SKOR2: variants seen among roughly 807,000 people sequenced by gnomAD.
SKOR2 encodes SKI family transcriptional corepressor 2.
SKOR2 carries 47 observed loss-of-function variants against 69.1 expected under a neutral mutation model. The observed-to-expected ratio is 0.68, with a 90% CI of 0.54 to 0.87. The LOEUF (loss-of-function observed/expected upper bound fraction) is 0.87, where lower values mean the gene tolerates loss of function less well. Among genes scored for constraint, SKOR2 ranks in the 40% least tolerant of loss-of-function variants. The pLI is 0.00. For synonymous variants in SKOR2, 717 were observed against 672.6 expected (o/e 1.07, Z -1.02); for missense variants, 1,404 against 1,472.2 (o/e 0.95, Z 0.76).
chr18:47,230,532 T>C lies in SKOR2; in HGVS notation c.2844A>G (p.Glu948=). Residue 948 remains glutamate (E), a synonymous_variant, in exon 6 of 9, where the codon GAA becomes GAG. Transcript: ENST00000425639. ...GKEELQKVLF[E]QIDLRRRLEQ... ...CCAGTCGTCTCCGTAAATCTATTTGTTCAAATAAAACCTTCTGAAGTTCTT... is the reference window on the plus strand; with the variant it reads ...CCAGTCGTCTCCGTAAATCTATTTGCTCAAATAAAACCTTCTGAAGTTCTT... The C allele has an allele frequency of 2.1e-6, 3 of 1,438,768 alleles. No homozygotes were observed. Among genetic ancestry groups the C allele is most frequent in the East Asian group, 2.6e-5 (1 of 38,126 alleles). 89.1% of individuals were successfully genotyped at this position (1,438,768 alleles called of 1,614,324 possible). A position where few individuals can be genotyped will look rare whatever the true frequency, so the allele number is the denominator to read the frequency against.
chr18:47,221,694 C>T (rs1277546019), intron 6 of SKOR2, among the ~76,000 whole-genome samples: 2 of 152,180 alleles, frequency 1.3e-5, no homozygotes, highest in Non-Finnish European at 2.9e-5. Flanking sequence ...TGTACTTCTC[C>T]AGCACCCTGT....
At chr18:47,234,808 C>T (rs2064214613) in intron 4 of SKOR2, among the ~76,000 whole-genome samples, 1 of 145,664 alleles carries the variant, frequency 6.9e-6, no homozygotes, top group African/African-American at 2.5e-5. Flanking sequence ...TTGCAGTAAA[C>T]CGAGATCACG....
At chr18:47,224,131 C>G (rs998839363) in intron 6 of SKOR2, among the ~76,000 whole-genome samples, 3 of 152,088 alleles carry the variant, frequency 2.0e-5, no homozygotes, top group African/African-American at 7.2e-5. Context: ...TGCTCTCAAA[C>G]TCCTGACCTC....
intron 7 of SKOR2, among the ~76,000 whole-genome samples, chr18:47,212,941 G>A (rs367881555): frequency 1.3e-4 from 20 of 152,300 alleles, no homozygotes; most frequent in Admixed American, 2.0e-4. Flanking sequence ...TCCAGCCTGG[G>A]TGACAGAGCA....
Position 47,247,634 on chromosome 18 carries a change from C to A in SKOR2, c.1550G>T (p.Gly517Val), listed in dbSNP as rs1366735317. ...RQAFLDLAEP[G>V]GAAGSAEAAP... is the part of the protein sequence containing the mutation. ...GGCCTCGGCGCTCCCAGCAGCACCG[C>A]CTGGCTCAGCCAGGTCCAGGAAGGC... The change falls in exon 2 of 9, where the codon GGC becomes GTC. Residue 517 changes from glycine (G) to valine (V), a missense_variant. Gly to Val is a moderately radical substitution (Grantham distance 109, BLOSUM62 -3). This residue lies in a region of SKOR2 where 1,266 missense variants were observed against 1,309.9 expected (regional missense o/e 0.97). Coordinates refer to ENST00000425639, the MANE Select transcript of SKOR2 (RefSeq NM_001278063.4). This position sits in a 1 kb window ranked among gnomAD's most constrained non-coding sequence, Gnocchi z 6.6. The A allele has an allele frequency of 7.4e-7, 1 of 1,344,676 alleles. No individual in the cohort carries two copies. The highest frequency in any genetic ancestry group is 9.5e-7 in the Non-Finnish European group (1 of 1,050,780). 83.3% of individuals were successfully genotyped at this position (1,344,676 alleles called of 1,614,324 possible). A position where few individuals can be genotyped will look rare whatever the true frequency, so the allele number is the denominator to read the frequency against.
Position 47,247,387 on chromosome 18 carries a change from A to G in SKOR2, c.1797T>C (p.Val599=). The change falls in exon 2 of 9, where the codon GTT becomes GTC. Residue 599 remains valine, a synonymous_variant. Transcript: ENST00000425639. This position sits in a 1 kb window ranked among gnomAD's most constrained non-coding sequence, Gnocchi z 6.6. ...AAGSGPAGSR[V]PAPHHPHLLE... Reference sequence around the variant, plus strand: ...GAAGGTGCGGATGGTGGGGCGCCGGAACCCGGGAGCCCGCGGGGCCAGACC... The same window carrying G: ...GAAGGTGCGGATGGTGGGGCGCCGGGACCCGGGAGCCCGCGGGGCCAGACC... 2 of 1,394,994 alleles carry G rather than the reference A, an allele frequency of 1.4e-6. No individual in the cohort carries two copies. Among genetic ancestry groups the G allele is most frequent in the Non-Finnish European group, 1.9e-6 (2 of 1,076,014 alleles). The allele number at this position is 1,394,994 out of a possible 1,614,324, so 86.4% of individuals were successfully genotyped here. A position where few individuals can be genotyped will look rare whatever the true frequency, so the allele number is the denominator to read the frequency against.
At position 47,247,072 on chromosome 18, in the gene SKOR2, C is replaced by CGGCGGG. The variant is rs2064279515; in HGVS notation, c.2106_2111dup (p.Pro705_Pro706dup). 1 of 696,398 alleles carries CGGCGGG rather than the reference C, an allele frequency of 1.4e-6. No homozygotes were observed. The highest frequency in any genetic ancestry group is 1.9e-6 in the Non-Finnish European group (1 of 520,664). The allele number at this position is 696,398 out of a possible 1,614,324, so 43.1% of individuals were successfully genotyped here. Reference sequence around the variant, plus strand: ...GGTGCGGGTGCTGGGCCAGAGGGGGCGGCGGGGGCGGCGGCGGCGGCGGCG... The same window carrying CGGCGGG: ...GGTGCGGGTGCTGGGCCAGAGGGGGCGGCGGGGGCGGGGGCGGCGGCGGCGGCGGCG... On this transcript the variant is annotated inframe_insertion, in exon 2 of 9. Coordinates refer to ENST00000425639, the MANE Select transcript of SKOR2 (RefSeq NM_001278063.4). This position sits in a 1 kb window ranked among gnomAD's most constrained non-coding sequence, Gnocchi z 6.6.
chr18:47,230,588 A>G, intron 5 of SKOR2, 31 bp from the exon 6 acceptor site: 1 of 1,274,170 alleles, frequency 7.8e-7, no homozygotes. Context: ...CATTTTACTA[A>G]TCTTTACAAA....
intron 7 of SKOR2, among the ~76,000 whole-genome samples, chr18:47,214,298 T>C (rs2064137090): frequency 6.6e-6 from 1 of 151,986 alleles, no homozygotes; most frequent in Admixed American, 6.6e-5. Context: ...AGGTAGAAAG[T>C]TGAGAAGGAA....
At chr18:47,208,705 C>T (rs1031134580) in intron 8 of SKOR2, among the ~76,000 whole-genome samples, 2 of 152,202 alleles carry the variant, frequency 1.3e-5, no homozygotes, top group Middle Eastern at 3.4e-3. Context: ...GGAAGGCCGT[C>T]GGGAATAATT....
chr18:47,206,944 T>C (rs1465959672), intron 8 of SKOR2, 52 bp from the exon 9 acceptor site: 2 of 152,212 alleles, frequency 1.3e-5, no homozygotes, highest in African/African-American at 2.4e-5. Flanking sequence ...TATAATCAGA[T>C]AATTTTAAAA....
At chr18:47,231,843 C>CAA (rs11342275) in intron 4 of SKOR2, among the ~76,000 whole-genome samples, 8,653 of 130,764 alleles carry the variant, frequency 0.066, 340 homozygotes, top group East Asian at 0.14. Context: ...AACTCCATCT[C>CAA]AAAAAAAAAA....
In SKOR2 at chr18:47,246,985, C is replaced by T; in HGVS notation, c.2199G>A (p.Glu733=). The T allele has an allele frequency of 6.7e-7, 1 of 1,499,380 alleles. No individual in the cohort carries two copies. The highest frequency in any genetic ancestry group is 8.8e-7 in the Non-Finnish European group (1 of 1,130,718). 92.9% of individuals were successfully genotyped at this position (1,499,380 alleles called of 1,614,324 possible). Reference sequence around the variant, plus strand: ...GCTCTTCTTCCTCGTCGTCCTCGTCCTCGGAGCTGTCCTCGCTGGGGTAGC... The same window carrying T: ...GCTCTTCTTCCTCGTCGTCCTCGTCTTCGGAGCTGTCCTCGCTGGGGTAGC... The part of the protein sequence containing the change: ...SCCYPSEDSS[E]DEDDEEEEQE... The change falls in exon 2 of 9, where the codon GAG becomes GAA. Residue 733 remains glutamate (E), a synonymous_variant. Transcript: ENST00000425639.
intron 6 of SKOR2, among the ~76,000 whole-genome samples, chr18:47,222,620 A>C (rs1222727938): frequency 1.3e-5 from 2 of 152,222 alleles, no homozygotes. Flanking sequence ...GGTTCCAGAC[A>C]CTGGAGCACA....
chr18:47,234,270 G>C (rs1356667212), intron 4 of SKOR2, among the ~76,000 whole-genome samples: 1 of 151,844 alleles, frequency 6.6e-6, no homozygotes, highest in East Asian at 1.9e-4. Flanking sequence ...AAAAAAGGCA[G>C]TCTAATACTA....
rs527709393 is a variant in SKOR2 at position 47,247,834 on chromosome 18, C to T, written c.1350G>A (p.Leu450=). 1.4e-6 allele frequency: 2 copies of T among 1,380,422 alleles called. No homozygotes were observed. The highest frequency in any genetic ancestry group is 3.3e-5 in the South Asian group (2 of 60,344). The allele number at this position is 1,380,422 out of a possible 1,614,324, so 85.5% of individuals were successfully genotyped here. ...GGAGAAPKAG[L]SGLFWPAGRK... ...GGCCCGCGGGCCAGAAGAGGCCGGA[C>T]AAGCCGGCCTTGGGCGCCGCGCCCG... is the stretch of plus-strand genomic sequence containing the variant. The change falls in exon 2 of 9, where the codon TTG becomes TTA. Residue 450 remains leucine (L), a synonymous_variant. Coordinates refer to ENST00000425639, the MANE Select transcript of SKOR2 (RefSeq NM_001278063.4). The surrounding 1 kb of genome is among the most constrained non-coding windows in gnomAD (Gnocchi z 6.6).
chr18:47,249,058 G>A lies in SKOR2; in HGVS notation c.126C>T (p.Gly42=). ...GHANLKPNQV[G]QVILYGIPIV... is the part of the protein sequence containing the mutation. ...TGGGAATGCCGTAGAGGATCACCTG[G>A]CCCACCTGGTTGGGTTTGAGGTTGG... The change falls in exon 2 of 9, where the codon GGC becomes GGT. Residue 42 remains glycine (G), a synonymous_variant. Coordinates refer to ENST00000425639, the MANE Select transcript of SKOR2 (RefSeq NM_001278063.4). 1 of 1,537,382 alleles carries A rather than the reference G, an allele frequency of 6.5e-7. No individual in the cohort carries two copies. The highest frequency in any genetic ancestry group is 8.7e-7 in the Non-Finnish European group (1 of 1,147,324).
chr18:47,241,653 T>C (rs12956009), intron 4 of SKOR2, among the ~76,000 whole-genome samples: 56,292 of 151,570 alleles, frequency 0.37, 11,035 homozygotes, highest in Middle Eastern at 0.47. Flanking sequence ...AAAAAACCCA[T>C]AACGATGAAG....
At chr18:47,230,333 G>C (rs2064192833) in intron 6 of SKOR2, 126 bp downstream of exon 6, 1 of 554,168 alleles carries the variant, frequency 1.8e-6, no homozygotes, top group Admixed American at 4.0e-5. Flanking sequence ...TGAATATTTA[G>C]GCAGACCATG....
Sources: gnomAD v4.1 joint callset for allele counts (sites outside exome capture counted in the v4.1 genomes callset) on GRCh38, gnomAD v4.1.1 for gene constraint, gnomAD v4.1.1 regional missense constraint, Gnocchi (gnomAD v3.1) non-coding constraint, MANE v1.5 for transcripts, NCBI Gene and HGNC (gene_info 2026-07-23, HGNC 2026-07-21) for gene names.